BZW2: variants seen among roughly 807,000 people sequenced by gnomAD.
BZW2 encodes the protein eIF5-mimic protein 1.
In BZW2, 23 loss-of-function variants were observed where a neutral mutation model predicts 53.2. The observed-to-expected ratio is 0.43, with a 90% CI of 0.31 to 0.61. The LOEUF (loss-of-function observed/expected upper bound fraction) is 0.61, where lower values mean the gene tolerates loss of function less well. BZW2 is among the 20% of genes least tolerant of loss of function. The probability of loss-of-function intolerance (pLI) is 0.09; values close to 1 mark genes in which losing one functional copy is unlikely to be tolerated. For synonymous variants in BZW2, 227 were observed against 186.4 expected (o/e 1.22, Z -1.77); for missense variants, 409 against 503.1 (o/e 0.81, Z 1.79).
intron 3 of BZW2, among the ~76,000 whole-genome samples, chr7:16,676,411 A>G (rs1186015): frequency 0.26 from 39,780 of 151,642 alleles, 5,618 homozygotes; most frequent in East Asian, 0.38. Flanking sequence ...AGCTGGGCAT[A>G]GTGGTGGGTG....
chr7:16,654,708 T>C (rs1782077411), intron 1 of BZW2, among the ~76,000 whole-genome samples: 2 of 151,462 alleles, frequency 1.3e-5, no homozygotes, highest in Non-Finnish European at 2.9e-5. Flanking sequence ...CTAATTGTTT[T>C]TTTTTTTTTT....
Position 16,674,493 on chromosome 7 carries a change from C to T in BZW2, c.140C>T (p.Ala47Val). The change falls in exon 3 of 12, where the codon GCT becomes GTT. Residue 47 changes from alanine to valine, a missense_variant. Physicochemically the swap from Ala to Val is moderately conservative, Grantham distance 64. Transcript: ENST00000258761. Reference protein sequence around the residue: ...GLNEAGDDLEAVAKFLDSTGS... With the variant: ...GLNEAGDDLEVVAKFLDSTGS... ...AATGAGGCTGGTGATGACCTTGAAG[C>T]TGTAGCCAAATTTCTGGACTCTACA... is the stretch of plus-strand genomic sequence containing the variant. 6.2e-7 allele frequency: 1 copy of T among 1,613,692 alleles called. No homozygotes were observed. The highest frequency in any genetic ancestry group is 1.3e-5 in the African/African-American group (1 of 75,032).
chr7:16,665,354 T>C, intron 1 of BZW2, 83 bp from the exon 2 acceptor site: 1 of 1,529,392 alleles, frequency 6.5e-7, no homozygotes, highest in Non-Finnish European at 9.0e-7. Flanking sequence ...GTTGAACATA[T>C]GTTCAACCAA....
At chr7:16,651,344 C>T (rs369692695) in intron 1 of BZW2, among the ~76,000 whole-genome samples, 3 of 152,096 alleles carry the variant, frequency 2.0e-5, no homozygotes, top group Non-Finnish European at 2.9e-5. Context: ...GGGATAATAA[C>T]GTTTAGCACT....
intron 10 of BZW2, 125 bp downstream of exon 10, chr7:16,698,311 T>G: frequency 7.6e-7 from 1 of 1,322,748 alleles, no homozygotes; most frequent in Non-Finnish European, 1.1e-6. Flanking sequence ...GATGCTAATT[T>G]GTGAAAGTTT....
chr7:16,690,700 A>G (rs1185356318), intron 7 of BZW2, among the ~76,000 whole-genome samples: 1 of 152,248 alleles, frequency 6.6e-6, no homozygotes, highest in Non-Finnish European at 1.5e-5. Context: ...TGTTGCAGAA[A>G]TTAAACAAGT....
At chr7:16,656,750 G>A (rs1486415393) in intron 1 of BZW2, among the ~76,000 whole-genome samples, 1 of 152,054 alleles carries the variant, frequency 6.6e-6, no homozygotes, top group East Asian at 1.9e-4. Context: ...CTTTCCTTGT[G>A]TACTGAAAAA....
At chr7:16,659,829 A>G (rs1782205772) in intron 1 of BZW2, among the ~76,000 whole-genome samples, 1 of 151,538 alleles carries the variant, frequency 6.6e-6, no homozygotes, top group South Asian at 2.1e-4. Flanking sequence ...TTGTTGCCCT[A>G]TAATTTTTGT....
Position 16,682,843 on chromosome 7 carries a change from A to G in BZW2, c.403A>G (p.Lys135Glu). 1 of 1,570,630 alleles carries G rather than the reference A, an allele frequency of 6.4e-7. No individual in the cohort carries two copies. Among genetic ancestry groups the G allele is most frequent in the Non-Finnish European group, 8.7e-7 (1 of 1,148,146 alleles). The change falls in exon 5 of 12, where the codon AAG (lysine) becomes GAG (glutamate). Residue 135 changes from lysine (K) to glutamate (E), a missense_variant and splice_region_variant. Coordinates refer to ENST00000258761, the MANE Select transcript of BZW2 (RefSeq NM_014038.3). ...GAAGGCATTTGAAGATGAAATGAAA[A>G]AGGTAAAAATTCAAATATAATGCCT... ...LEKAFEDEMK[K>E]LLLFLKAFSE...
intron 2 of BZW2, among the ~76,000 whole-genome samples, chr7:16,665,815 G>A (rs1782406220): frequency 1.3e-5 from 2 of 152,118 alleles, no homozygotes; most frequent in African/African-American, 4.8e-5. Context: ...TTTGGTTTTT[G>A]CTTTCTTTGT....
chr7:16,660,573 A>T (rs977600247), intron 1 of BZW2, among the ~76,000 whole-genome samples: 14 of 152,052 alleles, frequency 9.2e-5, no homozygotes, highest in Admixed American at 6.6e-4. Context: ...TATTAATTAA[A>T]AATTTCTATT....
intron 5 of BZW2, 119 bp downstream of exon 5, chr7:16,682,964 G>A (rs1012439232): frequency 1.0e-4 from 48 of 478,662 alleles, no homozygotes; most frequent in Middle Eastern, 6.6e-4. Context: ...TTGGGAGGCC[G>A]AGACGGGTGG....
intron 1 of BZW2, among the ~76,000 whole-genome samples, chr7:16,650,032 T>G (rs75166214): frequency 0.037 from 5,654 of 152,142 alleles, 140 homozygotes; most frequent in South Asian, 0.064. Context: ...AAACACAACA[T>G]AAGAAAGTAA....
chr7:16,700,307 C>T (rs1478088013), intron 10 of BZW2, among the ~76,000 whole-genome samples: 2 of 152,132 alleles, frequency 1.3e-5, no homozygotes, highest in African/African-American at 4.8e-5. Flanking sequence ...CCGTTAAGAG[C>T]GTTACTGTGT....
chr7:16,697,376 C>G (rs888532223), intron 9 of BZW2, among the ~76,000 whole-genome samples: 1 of 152,198 alleles, frequency 6.6e-6, no homozygotes, highest in Non-Finnish European at 1.5e-5. Flanking sequence ...AGGCATGAGC[C>G]ACCACGCCGG....
At chr7:16,703,586 A>G (rs1783741090) in intron 10 of BZW2, among the ~76,000 whole-genome samples, 2 of 152,174 alleles carry the variant, frequency 1.3e-5, no homozygotes, top group South Asian at 4.1e-4. Flanking sequence ...AATTGAGCAC[A>G]TCTCGGGGAC....
Position 16,687,519 on chromosome 7 carries a change from C to G in BZW2, c.541+1479C>G, listed in dbSNP as rs188654236. 7 of 152,062 alleles carry G rather than the reference C, an allele frequency of 4.6e-5. No individual in the cohort carries two copies. The East Asian group carries it at 1.4e-3, about 29-fold the overall frequency. 9.4% of individuals were successfully genotyped at this position (152,062 alleles called of 1,614,324 possible). A position where few individuals can be genotyped will look rare whatever the true frequency, so the allele number is the denominator to read the frequency against. On this transcript the variant is annotated intron_variant, in intron 6 of 11. Coordinates refer to ENST00000258761, the MANE Select transcript of BZW2 (RefSeq NM_014038.3). ...ATTGCTTGAGGCCAGGAGTTTGAGA[C>G]CAGTCTGGGAAACAAAGCAAGACTC... is the stretch of plus-strand genomic sequence containing the variant.
Position 16,706,125 on chromosome 7 carries a change from C to G in BZW2, c.*37C>G. On this transcript the variant is annotated 3_prime_UTR_variant, in exon 12 of 12. Transcript: ENST00000258761. ...AGCACAATACCTAGGTTACCACACACCACTTTTTGATTGGGAATGCTGAAC... is the reference window on the plus strand; with the variant it reads ...AGCACAATACCTAGGTTACCACACAGCACTTTTTGATTGGGAATGCTGAAC... 1 of 1,604,584 alleles carries G rather than the reference C, an allele frequency of 6.2e-7. No individual in the cohort carries two copies.
chr7:16,664,495 C>G (rs561024827), intron 1 of BZW2, among the ~76,000 whole-genome samples: 1 of 152,234 alleles, frequency 6.6e-6, no homozygotes, highest in South Asian at 2.1e-4. Flanking sequence ...GCCTCAGAAG[C>G]CAGACCTTAT....
Sources: gnomAD v4.1 joint callset for allele counts (sites outside exome capture counted in the v4.1 genomes callset) on GRCh38, gnomAD v4.1.1 for gene constraint, MANE v1.5 for transcripts, NCBI Gene and HGNC (gene_info 2026-07-23, HGNC 2026-07-21) for gene names.